The following TRAPPC10 variants were observed in gnomAD, a reference collection of about 807,000 sequenced individuals.
TRAPPC10 encodes the protein TRAPP 130 kDa subunit.
A neutral mutation model predicts 125.5 loss-of-function variants in TRAPPC10; 23 were observed. The ratio of observed to expected loss-of-function variants is 0.18; its 90% CI spans 0.13 to 0.26. TRAPPC10 has a LOEUF of 0.26. Ranked by LOEUF, TRAPPC10 falls within the 10% of genes least tolerant of loss-of-function variation. The probability of loss-of-function intolerance (pLI) is 1.00; values close to 1 mark genes in which losing one functional copy is unlikely to be tolerated. For missense variants in TRAPPC10, 1,123 were observed against 1,308.4 expected, an observed-to-expected ratio of 0.86 and a Z score of 2.19; for synonymous variants, 509 against 518.0, an observed-to-expected ratio of 0.98 and a Z score of 0.24.
At chr21:44,077,180 T>C (rs1197937692) in intron 10 of TRAPPC10, among the ~76,000 whole-genome samples, 2 of 152,176 alleles carry the variant, frequency 1.3e-5, no homozygotes, top group Non-Finnish European at 2.9e-5. Context: ...AGTTTGTGGG[T>C]TTCTTTTATT....
At chr21:44,014,722 T>C (rs2031621475) in intron 1 of TRAPPC10, among the ~76,000 whole-genome samples, 1 of 151,726 alleles carries the variant, frequency 6.6e-6, no homozygotes, top group Non-Finnish European at 1.5e-5. Flanking sequence ...GCCCCCACCC[T>C]TGGCCTCAAG....
chr21:44,024,356 G>A (rs1224843728), intron 1 of TRAPPC10, among the ~76,000 whole-genome samples: 1 of 152,184 alleles, frequency 6.6e-6, no homozygotes, highest in Non-Finnish European at 1.5e-5. Flanking sequence ...GTCTGGGTGG[G>A]GCCTGAGAAT....
chr21:44,064,700 T>G (rs914565017), intron 7 of TRAPPC10, among the ~76,000 whole-genome samples: 4 of 152,190 alleles, frequency 2.6e-5, no homozygotes, highest in Non-Finnish European at 1.5e-5. Context: ...TAGGAACTTA[T>G]TTTTGTGTGC....
At chr21:44,085,617 C>T (rs1348589712) in intron 15 of TRAPPC10, among the ~76,000 whole-genome samples, 1 of 152,028 alleles carries the variant, frequency 6.6e-6, no homozygotes, top group African/African-American at 2.4e-5. Flanking sequence ...GCTCCTGCCT[C>T]AGCCTCCTGA....
chr21:44,020,884 GT>G (rs2032438716), intron 1 of TRAPPC10, among the ~76,000 whole-genome samples: 1 of 152,154 alleles, frequency 6.6e-6, no homozygotes, highest in South Asian at 2.1e-4. Flanking sequence ...CAGTGTAACT[GT>G]TTAGTAGCAC....
chr21:44,101,153 T>TCAACAA lies in TRAPPC10; in HGVS notation c.3347-1609_3347-1604dup, dbSNP rs566385787. On this transcript the variant is annotated intron_variant, in intron 21 of 22. Coordinates refer to ENST00000291574, the MANE Select transcript of TRAPPC10 (RefSeq NM_003274.5). The stretch of plus-strand genomic sequence containing the variant: ...CCTGGGCAACGAGCAAAACTCCGCC[T>TCAACAA]CAACAACAACAACAACAACAAAACA... Among the ~76,000 whole-genome samples, 23 of 71,828 alleles carry TCAACAA rather than the reference T, an allele frequency of 3.2e-4. 10 individuals are homozygous for TCAACAA. Among genetic ancestry groups the TCAACAA allele is most frequent in the Non-Finnish European group, 1.0e-3 (22 of 21,980 alleles). The allele number at this position is 71,828 out of a possible 152,430, so 47.1% of individuals were successfully genotyped here.
At chr21:44,064,306 TG>T (rs2036274840) in intron 7 of TRAPPC10, among the ~76,000 whole-genome samples, 2 of 45,658 alleles carry the variant, frequency 4.4e-5, no homozygotes, top group Non-Finnish European at 6.9e-5. Context: ...CATAAATATG[TG>T]TGTGTGTGTG....
At position 44,059,474 on chromosome 21, in the gene TRAPPC10, G is replaced by A. The variant is rs1284255313; in HGVS notation, c.790+260G>A. ...AAAAACTGTTTTCCAGGTATAAAATGTCCTTTCCACAACTCAGTGGCCTGC... is the reference window on the plus strand; with the variant it reads ...AAAAACTGTTTTCCAGGTATAAAATATCCTTTCCACAACTCAGTGGCCTGC... On this transcript the variant is annotated intron_variant, in intron 6 of 22. Transcript: ENST00000291574. This position sits in a 1 kb window ranked among gnomAD's most constrained non-coding sequence, Gnocchi z 4.4. 1 of 748,878 alleles carries A rather than the reference G, an allele frequency of 1.3e-6. No individual in the cohort carries two copies. The highest frequency in any genetic ancestry group is 2.5e-6 in the Non-Finnish European group (1 of 401,404). 46.4% of individuals were successfully genotyped at this position (748,878 alleles called of 1,614,324 possible).
chr21:44,085,647 C>G (rs1210069569), intron 15 of TRAPPC10, among the ~76,000 whole-genome samples: 2 of 151,570 alleles, frequency 1.3e-5, no homozygotes, highest in East Asian at 3.9e-4. Context: ...TTTGAGGCCT[C>G]AGGGAGCTGT....
In TRAPPC10 at chr21:44,063,491, G is replaced by C. The variant is rs2036207156; in HGVS notation, c.791-47G>C. 1 of 1,597,332 alleles carries C rather than the reference G, an allele frequency of 6.3e-7. No homozygotes were observed. The highest frequency in any genetic ancestry group is 8.5e-7 in the Non-Finnish European group (1 of 1,170,446). On this transcript the variant is annotated intron_variant, in intron 6 of 22. Coordinates refer to ENST00000291574, the MANE Select transcript of TRAPPC10 (RefSeq NM_003274.5). This position sits in a 1 kb window ranked among gnomAD's most constrained non-coding sequence, Gnocchi z 4.4. ...TCAGCCTGAGCAGGAAGCTCAGGAA[G>C]GTGAAGTACCTGCAATCAGCACCTT...
chr21:44,090,864 A>C (rs1479297985), intron 18 of TRAPPC10, among the ~76,000 whole-genome samples: 1 of 152,220 alleles, frequency 6.6e-6, no homozygotes, highest in Admixed American at 6.5e-5. Flanking sequence ...TTAATAGTTA[A>C]AAACATCAAT....
At chr21:44,031,449 C>T (rs1283488127) in intron 1 of TRAPPC10, among the ~76,000 whole-genome samples, 1 of 152,196 alleles carries the variant, frequency 6.6e-6, no homozygotes, top group Non-Finnish European at 1.5e-5. Context: ...AGCGTAAAGT[C>T]GGCCGCAGCT....
chr21:44,091,999 G>A lies in TRAPPC10; in HGVS notation c.2947G>A (p.Gly983Ser), dbSNP rs145633595. 251 of 1,614,124 alleles carry A rather than the reference G, an allele frequency of 1.6e-4. No individual in the cohort carries two copies. In the African/African-American group the frequency reaches 2.2e-3, roughly 14 times the overall value. Residue 983 changes from glycine (G) to serine (S), a missense_variant, in exon 19 of 23, where the codon GGT becomes AGT. By Grantham distance (56) the Gly-to-Ser change is moderately conservative. Transcript: ENST00000291574. ...GTCAGATAGTTATCTTGTAGATACC[G>A]GTGATAGTACCGACCTGCAACTAGT... is the stretch of plus-strand genomic sequence containing the variant. ...QLSDSYLVDTGDSTDLQLVPL... is the reference protein window; with the variant it reads ...QLSDSYLVDTSDSTDLQLVPL...
Position 44,012,469 on chromosome 21 carries a change from G to T in TRAPPC10, c.-25G>T. ...CGGGGCTGCCCATGGGGCGCGGGGG[G>T]CCGGGCCGGTGACGCCGGACGCCCA... is the stretch of plus-strand genomic sequence containing the variant. On this transcript the variant is annotated 5_prime_UTR_variant, in exon 1 of 23. Transcript: ENST00000291574. 7 of 1,447,538 alleles carry T rather than the reference G, an allele frequency of 4.8e-6. No homozygotes were observed. Among genetic ancestry groups the T allele is most frequent in the African/African-American group, 1.5e-5 (1 of 67,124 alleles). 89.7% of individuals were successfully genotyped at this position (1,447,538 alleles called of 1,614,324 possible).
rs775413638 is a variant in TRAPPC10, at chr21:44,059,440, ATAAT to A, written c.790+228_790+231del. 5.6e-6 allele frequency: 4 copies of A among 709,504 alleles called. No individual in the cohort carries two copies. The highest frequency in any genetic ancestry group is 1.0e-5 in the Non-Finnish European group (4 of 384,326). The allele number at this position is 709,504 out of a possible 1,614,324, so 44.0% of individuals were successfully genotyped here. A position where few individuals can be genotyped will look rare whatever the true frequency, so the allele number is the denominator to read the frequency against. ...AGAATCTTAAGTAACAAAAATAATA[ATAAT>A]TTAAAAAAACTGTTTTCCAGGTATA... On this transcript the variant is annotated intron_variant, in intron 6 of 22. Coordinates refer to ENST00000291574, the MANE Select transcript of TRAPPC10 (RefSeq NM_003274.5). This position sits in a 1 kb window ranked among gnomAD's most constrained non-coding sequence, Gnocchi z 4.4.
chr21:44,084,008 G>A (rs1308488946), intron 14 of TRAPPC10, 114 bp from the exon 15 acceptor site: 21 of 1,242,066 alleles, frequency 1.7e-5, no homozygotes, highest in Non-Finnish European at 2.2e-5. Context: ...GTACAAGAGG[G>A]AAAGAAGTAC....
rs372644947 is a variant in TRAPPC10 at position 44,049,171 on chromosome 21, CCA to C, written c.286-3105_286-3104del. Among the ~76,000 whole-genome samples the C allele has an allele frequency of 5.3e-3, 806 of 152,216 alleles. 6 individuals carry two copies. Among genetic ancestry groups the C allele is most frequent in the African/African-American group, 0.018 (748 of 41,522 alleles). On this transcript the variant is annotated intron_variant, in intron 3 of 22. Coordinates refer to ENST00000291574, the MANE Select transcript of TRAPPC10 (RefSeq NM_003274.5). ...ATGGCTAGAGAACACGTGTGTACAC[CCA>C]CACGTGTACGTGCACACATTTACAT...
At position 44,012,447 on chromosome 21, in the gene TRAPPC10, G is replaced by A; in HGVS notation, c.-47G>A. The A allele has an allele frequency of 1.5e-6, 2 of 1,324,776 alleles. No individual in the cohort carries two copies. The highest frequency in any genetic ancestry group is 2.0e-6 in the Non-Finnish European group (2 of 1,013,406). 82.1% of individuals were successfully genotyped at this position (1,324,776 alleles called of 1,614,324 possible). ...CCGGCTGGGCCCGGCGCGGCCTCGG[G>A]GCTGCCCATGGGGCGCGGGGGGCCG... is the stretch of plus-strand genomic sequence containing the variant. On this transcript the variant is annotated 5_prime_UTR_variant, in exon 1 of 23. Transcript: ENST00000291574.
At chr21:44,053,344 G>A (rs562782054) in intron 4 of TRAPPC10, among the ~76,000 whole-genome samples, 4 of 152,156 alleles carry the variant, frequency 2.6e-5, no homozygotes, top group East Asian at 1.9e-4. Flanking sequence ...ATAACGTTAT[G>A]TGTTGTTTAT....
Sources: gnomAD v4.1 joint callset for allele counts (sites outside exome capture counted in the v4.1 genomes callset) on GRCh38, gnomAD v4.1.1 for gene constraint, Gnocchi (gnomAD v3.1) non-coding constraint, MANE v1.5 for transcripts, NCBI Gene and HGNC (gene_info 2026-07-23, HGNC 2026-07-21) for gene names.